The following GATAD2A variants were observed in gnomAD, a reference collection of about 807,000 sequenced individuals.
The protein encoded by GATAD2A is transcriptional repressor p66-alpha.
In GATAD2A, 12 loss-of-function variants were observed where a neutral mutation model predicts 68.5. The observed-to-expected ratio is 0.18, with a 90% CI of 0.11 to 0.28. GATAD2A has a LOEUF of 0.28. GATAD2A is among the 10% of genes least tolerant of loss of function. The pLI is 1.00. For synonymous variants in GATAD2A, 410 were observed against 375.3 expected, an observed-to-expected ratio of 1.09 and a Z score of -1.07; for missense variants, 755 against 868.5, an observed-to-expected ratio of 0.87 and a Z score of 1.64.
rs750856539 is a variant in GATAD2A, at chr19:19,465,634, G to A, written c.269+20G>A. 55 of 1,579,194 alleles carry A rather than the reference G, an allele frequency of 3.5e-5. No individual in the cohort carries two copies. The African/African-American group carries it at 4.9e-4, about 14-fold the overall frequency. On this transcript the variant is annotated intron_variant, in intron 2 of 11. Transcript: ENST00000683918. ...ACACAGGTGAGTGGGAGGAGCCAGC[G>A]GGAGGGGCTGGAACCTGGAGACAAG...
Position 19,388,113 on chromosome 19 carries a change from A to G in GATAD2A, c.-7+1975A>G, listed in dbSNP as rs61687899. Among the ~76,000 whole-genome samples the G allele has an allele frequency of 7.6e-3, 1,137 of 150,134 alleles. 16 individuals are homozygous for G. The highest frequency in any genetic ancestry group is 0.026 in the African/African-American group (1,045 of 40,562). ...CTCTTGTTGCCTAGGCTGGAGTGCA[A>G]TGGTGTGATCTCTGGCTCACCGCAA... is the stretch of plus-strand genomic sequence containing the variant. On this transcript the variant is annotated intron_variant, in intron 1 of 11. Coordinates refer to the GATAD2A transcript ENST00000360315.
chr19:19,414,832 GC>G (rs36093004), intron 1 of GATAD2A, among the ~76,000 whole-genome samples: 15,966 of 125,870 alleles, frequency 0.13, 1,512 homozygotes, highest in Middle Eastern at 0.21. Flanking sequence ...ACCACACCCT[GC>G]CCCCTTTTTT....
intron 2 of GATAD2A, among the ~76,000 whole-genome samples, chr19:19,484,625 C>G (rs569173163): frequency 6.6e-6 from 1 of 151,214 alleles, no homozygotes; most frequent in African/African-American, 2.4e-5. Context: ...CTCTGCCCCC[C>G]GGGGTTCATG....
At chr19:19,453,649 C>G (rs2056617800) in intron 1 of GATAD2A, among the ~76,000 whole-genome samples, 1 of 151,636 alleles carries the variant, frequency 6.6e-6, no homozygotes, top group African/African-American at 2.4e-5. Context: ...GCGTGTACCA[C>G]CACAACTGGC....
chr19:19,398,864 G>A (rs2049475997), intron 1 of GATAD2A, among the ~76,000 whole-genome samples: 1 of 151,832 alleles, frequency 6.6e-6, no homozygotes, highest in South Asian at 2.1e-4. Flanking sequence ...TTTAAGACCA[G>A]CCTGGCCAAC....
At chr19:19,450,624 A>G (rs1238245617) in intron 1 of GATAD2A, among the ~76,000 whole-genome samples, 1 of 150,760 alleles carries the variant, frequency 6.6e-6, no homozygotes, top group Non-Finnish European at 1.5e-5. Context: ...GGCGGTCAGG[A>G]TCCCCGTACC....
chr19:19,495,655 A>G, intron 5 of GATAD2A, 99 bp from the exon 6 acceptor site: 2 of 1,048,270 alleles, frequency 1.9e-6, no homozygotes, highest in East Asian at 5.1e-5. Context: ...AAAAAAAAAA[A>G]CTAGTATGTA....
chr19:19,494,434 T>C, intron 5 of GATAD2A, 51 bp downstream of exon 5: 1 of 1,165,950 alleles, frequency 8.6e-7, no homozygotes. Flanking sequence ...ACTGCTGCTG[T>C]CAAGCACAGG....
intron 1 of GATAD2A, among the ~76,000 whole-genome samples, chr19:19,454,095 T>C (rs2056684020): frequency 6.6e-6 from 1 of 151,790 alleles, no homozygotes; most frequent in Non-Finnish European, 1.5e-5. Context: ...CTTCCTGGGT[T>C]CAAGCAGTTC....
upstream of GATAD2A, among the ~76,000 whole-genome samples, chr19:19,402,762 T>C (rs1216188337): frequency 1.4e-5 from 2 of 144,950 alleles, no homozygotes; most frequent in Non-Finnish European, 3.1e-5. Context: ...TTTTTTTTTG[T>C]TTTTGTTTTT....
intron 7 of GATAD2A, among the ~76,000 whole-genome samples, chr19:19,497,660 C>T (rs915264048): frequency 1.3e-5 from 2 of 152,156 alleles, no homozygotes; most frequent in Non-Finnish European, 2.9e-5. Flanking sequence ...ACCCTGTGCC[C>T]CACAGTGTGG....
intron 1 of GATAD2A, among the ~76,000 whole-genome samples, chr19:19,397,894 T>G (rs1399261197): frequency 6.6e-6 from 1 of 152,076 alleles, no homozygotes; most frequent in South Asian, 2.1e-4. Context: ...GCTAATTTTA[T>G]TTAGTTAGTT....
intron 1 of GATAD2A, among the ~76,000 whole-genome samples, chr19:19,458,923 C>T (rs2147931014): frequency 1.3e-5 from 2 of 152,274 alleles, no homozygotes; most frequent in Admixed American, 1.3e-4. Context: ...TAGGGAGCCT[C>T]CTTCCTCCTC....
At chr19:19,499,006 A>G (rs1169968286) in intron 8 of GATAD2A, among the ~76,000 whole-genome samples, 6 of 152,164 alleles carry the variant, frequency 3.9e-5, no homozygotes, top group Admixed American at 3.9e-4. Flanking sequence ...GAGGGTGCAC[A>G]TCTGTGGGAG....
intron 1 of GATAD2A, among the ~76,000 whole-genome samples, chr19:19,428,910 G>A (rs1420396108): frequency 6.6e-6 from 1 of 152,170 alleles, no homozygotes; most frequent in Non-Finnish European, 1.5e-5. Flanking sequence ...CGAAGCTCTG[G>A]ACTCACCCCA....
At chr19:19,418,059 G>T (rs1262717820) in intron 1 of GATAD2A, among the ~76,000 whole-genome samples, 1 of 152,210 alleles carries the variant, frequency 6.6e-6, no homozygotes, top group Non-Finnish European at 1.5e-5. Context: ...GCTGAATGAC[G>T]ACTGGAGGGT....
At chr19:19,412,622 ACT>A (rs1365705311) in intron 1 of GATAD2A, among the ~76,000 whole-genome samples, 2 of 151,698 alleles carry the variant, frequency 1.3e-5, no homozygotes, top group South Asian at 2.1e-4. Flanking sequence ...ACAGAGTGAG[ACT>A]CTGTCTGCGG....
At position 19,398,786 on chromosome 19, in the gene GATAD2A, C is replaced by T. The variant is rs150472301; in HGVS notation, c.-7+12648C>T. On this transcript the variant is annotated intron_variant, in intron 1 of 11. Transcript: ENST00000360315. Reference sequence around the variant, plus strand: ...ACTAAAATACAAAAATTAGGCCAGGCGTGGTGGCTCACGCCTGTAATCCCA... The same window carrying T: ...ACTAAAATACAAAAATTAGGCCAGGTGTGGTGGCTCACGCCTGTAATCCCA... 9.7e-3 allele frequency among the ~76,000 whole-genome samples: 1,436 copies of T among 147,442 alleles called. 25 individuals are homozygous for T. The highest frequency in any genetic ancestry group is 0.034 in the African/African-American group (1,379 of 40,184).
At position 19,460,966 on chromosome 19, in the gene GATAD2A, C is replaced by G. The variant is rs141963518; in HGVS notation, c.-6-4374C>G. On this transcript the variant is annotated intron_variant, in intron 1 of 11. Coordinates refer to ENST00000683918, the MANE Select transcript of GATAD2A (RefSeq NM_001384528.1). ...CCGTCCCTCTGTGTGCTCTGACTGC[C>G]CCGTGCTCTGCCTCGTGTCCCCACA... Among the ~76,000 whole-genome samples the G allele has an allele frequency of 7.2e-5, 11 of 152,296 alleles. No individual in the cohort carries two copies. The East Asian group carries it at 2.1e-3, about 29-fold the overall frequency.
Sources: allele counts gnomAD v4.1 joint callset (sites outside exome capture counted in the v4.1 genomes callset), GRCh38; gene constraint gnomAD v4.1.1; transcripts MANE v1.5; gene names NCBI Gene and HGNC (gene_info 2026-07-23, HGNC 2026-07-21).